The following MPPED2 variants were observed in gnomAD, a reference collection of about 807,000 sequenced individuals.
The protein encoded by MPPED2 is metallophosphoesterase domain containing 2.
A neutral mutation model predicts 33.0 loss-of-function variants in MPPED2; 5 were observed. That is an observed-to-expected ratio of 0.15 (90% CI 0.08 to 0.32). MPPED2 has a LOEUF of 0.32. MPPED2 is among the 10% of genes least tolerant of loss of function. MPPED2 has a pLI of 1.00. For synonymous variants in MPPED2, 136 were observed against 141.9 expected, an observed-to-expected ratio of 0.96 and a Z score of 0.29; for missense variants, 275 against 372.1, an observed-to-expected ratio of 0.74 and a Z score of 2.15.
intron 4 of MPPED2, among the ~76,000 whole-genome samples, chr11:30,433,094 G>C (rs1484061994): frequency 6.6e-6 from 1 of 152,162 alleles, no homozygotes; most frequent in African/African-American, 2.4e-5. Flanking sequence ...GGTGAACCAA[G>C]GTTTCCTGGT....
intron 2 of MPPED2, among the ~76,000 whole-genome samples, chr11:30,560,315 A>T (rs1428810293): frequency 6.6e-6 from 1 of 151,644 alleles, no homozygotes; most frequent in Admixed American, 6.6e-5. Context: ...TTTTTTTTAA[A>T]AAAAAAAAAT....
At chr11:30,426,617 T>A (rs1201633938) in intron 4 of MPPED2, among the ~76,000 whole-genome samples, 1 of 152,188 alleles carries the variant, frequency 6.6e-6, no homozygotes, top group Non-Finnish European at 1.5e-5. Context: ...GCATGGCAGG[T>A]GCTGAGAAAA....
chr11:30,562,044 A>C (rs1956260851), intron 2 of MPPED2, among the ~76,000 whole-genome samples: 2 of 152,186 alleles, frequency 1.3e-5, no homozygotes, highest in South Asian at 4.1e-4. Context: ...GAAGCATCCC[A>C]CCTTTCATCT....
chr11:30,530,904 T>C (rs576054475), intron 3 of MPPED2, among the ~76,000 whole-genome samples: 1 of 152,312 alleles, frequency 6.6e-6, no homozygotes, highest in South Asian at 2.1e-4. Flanking sequence ...CCTTGCAAAA[T>C]GTACCTTTAG....
chr11:30,535,292 T>C (rs1055619565), intron 3 of MPPED2, among the ~76,000 whole-genome samples: 4 of 152,156 alleles, frequency 2.6e-5, no homozygotes, highest in East Asian at 3.9e-4. Context: ...TCTTTCGTCT[T>C]TAGGGATTCT....
At chr11:30,520,565 T>C (rs1232446322) in intron 3 of MPPED2, among the ~76,000 whole-genome samples, 3 of 152,218 alleles carry the variant, frequency 2.0e-5, no homozygotes, top group Non-Finnish European at 4.4e-5. Flanking sequence ...TTTATTTTTA[T>C]TTGTCACCTA....
At chr11:30,501,532 A>C in intron 3 of MPPED2, 1 of 644,248 alleles carries the variant, frequency 1.6e-6, no homozygotes, top group Non-Finnish European at 1.9e-6. Context: ...TCTCATCCAG[A>C]TATCTCTGTC....
At chr11:30,518,519 T>C (rs1016951242) in intron 3 of MPPED2, among the ~76,000 whole-genome samples, 5 of 152,226 alleles carry the variant, frequency 3.3e-5, no homozygotes, top group Admixed American at 2.0e-4. Context: ...ATGTGTGATT[T>C]ACCCAAGAAA....
chr11:30,424,467 C>T (rs768918874), intron 4 of MPPED2, among the ~76,000 whole-genome samples: 5 of 152,148 alleles, frequency 3.3e-5, no homozygotes, highest in Non-Finnish European at 5.9e-5. Flanking sequence ...ATTTAACCAC[C>T]GCTGGTTAAA....
chr11:30,525,063 C>T (rs1020331351), intron 3 of MPPED2, among the ~76,000 whole-genome samples: 1 of 152,186 alleles, frequency 6.6e-6, no homozygotes. Flanking sequence ...ACAAAGCCCC[C>T]AGTCCTAGGC....
intron 4 of MPPED2, among the ~76,000 whole-genome samples, chr11:30,430,585 CT>C (rs1949034727): frequency 1.3e-5 from 2 of 152,122 alleles, no homozygotes; most frequent in Non-Finnish European, 2.9e-5. Flanking sequence ...TAATCCCTGT[CT>C]AGAAATTACA....
intron 6 of MPPED2, among the ~76,000 whole-genome samples, chr11:30,390,553 T>A (rs775992290): frequency 1.1e-4 from 17 of 152,250 alleles, no homozygotes; most frequent in Non-Finnish European, 1.9e-4. Context: ...TTGATTGCCC[T>A]GTGGCAGGCG....
intron 6 of MPPED2, among the ~76,000 whole-genome samples, chr11:30,395,917 A>C (rs1278988443): frequency 1.3e-5 from 2 of 152,108 alleles, no homozygotes; most frequent in African/African-American, 4.8e-5. Flanking sequence ...AACCATCCTC[A>C]AACACTCTAC....
At chr11:30,388,056 C>CA (rs1947724491) in exon 7 of MPPED2, 1 of 152,316 alleles carries the variant, frequency 6.6e-6, no homozygotes, top group Admixed American at 6.5e-5. Flanking sequence ...CTGCCGCCTT[C>CA]AAGGCCCCCG....
intron 2 of MPPED2, among the ~76,000 whole-genome samples, chr11:30,552,017 A>G (rs1213385900): frequency 6.6e-6 from 1 of 152,210 alleles, no homozygotes; most frequent in African/African-American, 2.4e-5. Context: ...CTCCTTGATG[A>G]AGTGTTCCAA....
At chr11:30,507,949 AG>A (rs1206278674) in intron 3 of MPPED2, among the ~76,000 whole-genome samples, 1 of 152,158 alleles carries the variant, frequency 6.6e-6, no homozygotes, top group African/African-American at 2.4e-5. Context: ...GCAGAATTGG[AG>A]GTCTATTTTA....
Position 30,414,409 on chromosome 11 carries a change from G to T in MPPED2, c.653-68C>A, listed in dbSNP as rs898908038. On this transcript the variant is annotated intron_variant, in intron 5 of 6. Coordinates refer to ENST00000358117, the MANE Select transcript of MPPED2 (RefSeq NM_001584.3). ...AGGTAAGGTTTCATTTAGACTTTCA[G>T]GAAGCCATAACTCACAGAAGGTTTA... is the stretch of plus-strand genomic sequence containing the variant. 1.3e-5 allele frequency: 13 copies of T among 1,009,152 alleles called. No homozygotes were observed. The African/African-American group carries it at 2.1e-4, about 16-fold the overall frequency. 62.5% of individuals were successfully genotyped at this position (1,009,152 alleles called of 1,614,324 possible). A position where few individuals can be genotyped will look rare whatever the true frequency, so the allele number is the denominator to read the frequency against.
chr11:30,468,227 TATAC>T (rs1219177367), intron 4 of MPPED2, among the ~76,000 whole-genome samples: 12 of 101,338 alleles, frequency 1.2e-4, no homozygotes, highest in African/African-American at 3.4e-4. Context: ...TATGGCATAC[TATAC>T]ACACACACAC....
chr11:30,453,645 G>T (rs1950158155), intron 4 of MPPED2, among the ~76,000 whole-genome samples: 2 of 152,218 alleles, frequency 1.3e-5, no homozygotes, highest in African/African-American at 4.8e-5. Flanking sequence ...AAAATTGAAT[G>T]CACAAGAATT....
Sources: allele counts gnomAD v4.1 joint callset (sites outside exome capture counted in the v4.1 genomes callset), GRCh38; gene constraint gnomAD v4.1.1; transcripts MANE v1.5; gene names NCBI Gene and HGNC (gene_info 2026-07-23, HGNC 2026-07-21).